ZNF804B: variants seen among roughly 807,000 people sequenced by gnomAD.
ZNF804B encodes zinc finger 804B.
ZNF804B carries 80 observed loss-of-function variants against 101.4 expected under a neutral mutation model. The observed-to-expected ratio is 0.79, with a 90% CI of 0.66 to 0.95. The LOEUF (loss-of-function observed/expected upper bound fraction) is 0.95, where lower values mean the gene tolerates loss of function less well. Ranked by LOEUF, ZNF804B falls within the 40% of genes least tolerant of loss-of-function variation. The pLI is 0.00. For missense variants in ZNF804B, 1,673 were observed against 1,561.9 expected (o/e 1.07, Z -1.20); for synonymous variants, 622 against 558.8 (o/e 1.11, Z -1.59).
At position 89,220,179 on chromosome 7, in the gene ZNF804B, G is replaced by GTGCGTA. The variant is rs1788982812; in HGVS notation, c.249+1885_249+1886insGCGTAT. 3.1e-4 allele frequency among the ~76,000 whole-genome samples: 14 copies of GTGCGTA among 45,216 alleles called. 2 individuals are homozygous for GTGCGTA. The highest frequency in any genetic ancestry group is 8.9e-4 in the African/African-American group (9 of 10,084). 29.7% of individuals were successfully genotyped at this position (45,216 alleles called of 152,430 possible). On this transcript the variant is annotated intron_variant, in intron 2 of 3. Transcript: ENST00000333190. Reference sequence around the variant, plus strand: ...TATATATACGCACATATATATGTGTGTATATATATATATCCTTGGGAAATG... The same window carrying GTGCGTA: ...TATATATACGCACATATATATGTGTGTGCGTATATATATATATATCCTTGGGAAATG...
intron 1 of ZNF804B, among the ~76,000 whole-genome samples, chr7:89,066,130 G>A (rs1789451717): frequency 1.3e-5 from 2 of 152,138 alleles, no homozygotes; most frequent in African/African-American, 2.4e-5. Flanking sequence ...GGTAGTGTTG[G>A]ATAGTTTCAA....
At position 89,248,338 on chromosome 7, in the gene ZNF804B, A is replaced by G. The variant is rs527933157; in HGVS notation, c.249+30043A>G. Among the ~76,000 whole-genome samples, 3 of 152,252 alleles carry G rather than the reference A, an allele frequency of 2.0e-5. No individual in the cohort carries two copies. In the East Asian group the frequency reaches 5.8e-4, roughly 29 times the overall value. On this transcript the variant is annotated intron_variant, in intron 2 of 3. Transcript: ENST00000333190. ...GTTCACGGTGAATGCTAAAGAAAAA[A>G]TCTTAAAAGTAGTTAGAGAAAAAGG...
intron 1 of ZNF804B, among the ~76,000 whole-genome samples, chr7:89,148,670 T>G (rs1790825319): frequency 6.6e-6 from 1 of 152,048 alleles, no homozygotes; most frequent in Non-Finnish European, 1.5e-5. Context: ...CCAGGAAAAC[T>G]TCTGCTATTG....
chr7:89,189,571 A>G (rs916110683), intron 1 of ZNF804B, among the ~76,000 whole-genome samples: 2 of 152,162 alleles, frequency 1.3e-5, no homozygotes, highest in African/African-American at 2.4e-5. Flanking sequence ...AGAAATGACA[A>G]TGATTAGTGA....
At chr7:89,127,878 A>G (rs1790496294) in intron 1 of ZNF804B, among the ~76,000 whole-genome samples, 1 of 149,518 alleles carries the variant, frequency 6.7e-6, no homozygotes, top group East Asian at 1.9e-4. Context: ...TTTAAAATCC[A>G]TTTGTATCTG....
chr7:89,257,751 T>A (rs1343119796), intron 2 of ZNF804B, among the ~76,000 whole-genome samples: 1 of 152,202 alleles, frequency 6.6e-6, no homozygotes, highest in Non-Finnish European at 1.5e-5. Context: ...AGTTGTTTTA[T>A]TCTCACCTTC....
At chr7:88,874,236 T>A (rs1204282676) in intron 1 of ZNF804B, among the ~76,000 whole-genome samples, 2 of 152,156 alleles carry the variant, frequency 1.3e-5, no homozygotes, top group African/African-American at 4.8e-5. Context: ...GAAGCAATTG[T>A]GAATGGGAGT....
At chr7:89,137,233 T>C (rs1175656294) in intron 1 of ZNF804B, among the ~76,000 whole-genome samples, 1 of 152,054 alleles carries the variant, frequency 6.6e-6, no homozygotes, top group Non-Finnish European at 1.5e-5. Context: ...GCTCAGATGA[T>C]GTTAAGGTGA....
intron 2 of ZNF804B, among the ~76,000 whole-genome samples, chr7:89,274,270 A>C: frequency 7.1e-6 from 1 of 140,460 alleles, no homozygotes; most frequent in Non-Finnish European, 1.5e-5. Context: ...CTAACTCGTC[A>C]TCTAGCATTA....
At chr7:88,842,381 T>G (rs1175860434) in intron 1 of ZNF804B, among the ~76,000 whole-genome samples, 1 of 152,196 alleles carries the variant, frequency 6.6e-6, no homozygotes, top group Admixed American at 6.5e-5. Context: ...CTGCCAACTC[T>G]GTTGGGAGAA....
chr7:88,823,749 T>C (rs1791016746), intron 1 of ZNF804B, among the ~76,000 whole-genome samples: 2 of 152,114 alleles, frequency 1.3e-5, no homozygotes, highest in African/African-American at 4.8e-5. Context: ...TCTATGGATG[T>C]GCTCACTGAT....
chr7:89,335,999 G>A lies in ZNF804B; in HGVS notation c.3017G>A (p.Ser1006Asn). The A allele has an allele frequency of 6.2e-7, 1 of 1,613,976 alleles. No individual in the cohort carries two copies. Among genetic ancestry groups the A allele is most frequent in the Non-Finnish European group, 8.5e-7 (1 of 1,179,980 alleles). ...AIPRTTEKDKSKSSHTNNFTI... is the reference protein window; with the variant it reads ...AIPRTTEKDKNKSSHTNNFTI... ...CCAAGGACTACGGAGAAAGACAAAA[G>A]CAAAAGTTCACACACAAATAATTTT... is the stretch of plus-strand genomic sequence containing the variant. Residue 1006 changes from serine (S) to asparagine (N), a missense_variant, in exon 4 of 4, where the codon AGC becomes AAC. Transcript: ENST00000333190.
intron 1 of ZNF804B, among the ~76,000 whole-genome samples, chr7:88,907,470 G>GCTA (rs1428178554): frequency 6.6e-6 from 1 of 151,986 alleles, no homozygotes; most frequent in East Asian, 1.9e-4. Context: ...TGCTTCTACT[G>GCTA]CTACTAAGGA....
At chr7:89,125,701 C>CTTGGTACAGTATCT (rs1299852870) in intron 1 of ZNF804B, among the ~76,000 whole-genome samples, 1 of 151,996 alleles carries the variant, frequency 6.6e-6, no homozygotes, top group African/African-American at 2.4e-5. Context: ...AGTATCTTAG[C>CTTGGTACAGTATCT]GTGTTTGGTA....
At chr7:88,890,121 C>G (rs993987331) in intron 1 of ZNF804B, among the ~76,000 whole-genome samples, 1 of 151,976 alleles carries the variant, frequency 6.6e-6, no homozygotes, top group Non-Finnish European at 1.5e-5. Flanking sequence ...TAGAAATTTA[C>G]GTGAAGACAG....
At chr7:88,936,498 T>C (rs1792973122) in intron 1 of ZNF804B, among the ~76,000 whole-genome samples, 1 of 151,700 alleles carries the variant, frequency 6.6e-6, no homozygotes, top group Admixed American at 6.6e-5. Flanking sequence ...AAGAGGGAAA[T>C]GGGGGATGTA....
At chr7:89,054,718 T>C (rs989650302) in intron 1 of ZNF804B, among the ~76,000 whole-genome samples, 11 of 152,096 alleles carry the variant, frequency 7.2e-5, no homozygotes, top group Admixed American at 2.0e-4. Context: ...ATTCATTTAT[T>C]TATTTATTTT....
chr7:89,126,341 C>G (rs1790473922), intron 1 of ZNF804B, among the ~76,000 whole-genome samples: 1 of 151,932 alleles, frequency 6.6e-6, no homozygotes, highest in South Asian at 2.1e-4. Flanking sequence ...GAGTAAACCA[C>G]AGCCATGGGA....
chr7:89,016,352 T>C (rs1426558558), intron 1 of ZNF804B, among the ~76,000 whole-genome samples: 1 of 151,308 alleles, frequency 6.6e-6, no homozygotes, highest in Non-Finnish European at 1.5e-5. Context: ...TTAGATCCCA[T>C]TTGTCAATTT....
Sources: allele counts gnomAD v4.1 joint callset (sites outside exome capture counted in the v4.1 genomes callset), GRCh38; gene constraint gnomAD v4.1.1; transcripts MANE v1.5; gene names NCBI Gene and HGNC (gene_info 2026-07-23, HGNC 2026-07-21).